CABLES1: variants seen among roughly 807,000 people sequenced by gnomAD.
CABLES1 encodes the protein Cdk5 and Abl enzyme substrate 1.
Under a neutral mutation model 57.8 loss-of-function variants are expected in CABLES1, and 36 were observed. The ratio of observed to expected loss-of-function variants is 0.62; its 90% CI spans 0.48 to 0.82. The LOEUF (loss-of-function observed/expected upper bound fraction) is 0.82, where lower values mean the gene tolerates loss of function less well. CABLES1 is among the 40% of genes least tolerant of loss of function. The pLI is 0.00. For synonymous variants in CABLES1, 374 were observed against 363.0 expected (o/e 1.03, Z -0.35); for missense variants, 767 against 836.6 (o/e 0.92, Z 1.03).
At chr18:23,188,111 C>CCCTG (rs1412041624) in intron 1 of CABLES1, among the ~76,000 whole-genome samples, 1 of 152,194 alleles carries the variant, frequency 6.6e-6, no homozygotes, top group East Asian at 1.9e-4. Context: ...CACCACCCTA[C>CCCTG]CCTGCTCCCT....
intron 7 of CABLES1, among the ~76,000 whole-genome samples, chr18:23,237,487 G>GT (rs1284104097): frequency 6.6e-6 from 1 of 152,256 alleles, no homozygotes; most frequent in East Asian, 1.9e-4. Context: ...ACCAGCTCAG[G>GT]TTGGGGGACC....
Position 23,161,312 on chromosome 18 carries a change from TTACTG to T in CABLES1, c.845+24706_845+24710del, listed in dbSNP as rs201905707. 5.0e-3 allele frequency among the ~76,000 whole-genome samples: 766 copies of T among 152,128 alleles called. 7 individuals carry two copies. The highest frequency in any genetic ancestry group is 0.018 in the African/African-American group (738 of 41,488). On this transcript the variant is annotated intron_variant, in intron 1 of 9. Transcript: ENST00000256925. ...CCTTTCTATCTTCTTCTAAAACACTTTACTGGTGTTTTGTGGGTGCTGTGTTCCAG... is the reference window on the plus strand; with the variant it reads ...CCTTTCTATCTTCTTCTAAAACACTTGTGTTTTGTGGGTGCTGTGTTCCAG...
At chr18:23,223,470 C>T (rs1191430988) in intron 4 of CABLES1, among the ~76,000 whole-genome samples, 1 of 150,834 alleles carries the variant, frequency 6.6e-6, no homozygotes, top group South Asian at 2.1e-4. Flanking sequence ...CACAGCTACT[C>T]GGGAGGCTGA....
At chr18:23,156,103 G>C in intron 1 of CABLES1, 1 of 859,212 alleles carries the variant, frequency 1.2e-6, no homozygotes, top group Non-Finnish European at 1.8e-6. Context: ...GGCCAGCAGC[G>C]GGGGCTGGAG....
At chr18:23,214,271 T>G in intron 4 of CABLES1, 1 of 474,448 alleles carries the variant, frequency 2.1e-6, no homozygotes. Context: ...TCCTATTGCC[T>G]GTTCTTTCTA....
chr18:23,251,256 G>A (rs1410435682), intron 7 of CABLES1, among the ~76,000 whole-genome samples: 1 of 152,094 alleles, frequency 6.6e-6, no homozygotes, highest in African/African-American at 2.4e-5. Flanking sequence ...AGTTCAAGAG[G>A]AGCCCAGCCA....
chr18:23,215,260 G>A (rs1367831079), intron 4 of CABLES1, among the ~76,000 whole-genome samples: 1 of 152,150 alleles, frequency 6.6e-6, no homozygotes, highest in Non-Finnish European at 1.5e-5. Flanking sequence ...ATGTTTTCGG[G>A]CAGCTCTCTT....
At chr18:23,208,231 T>C (rs2047378482) in intron 3 of CABLES1, among the ~76,000 whole-genome samples, 3 of 152,252 alleles carry the variant, frequency 2.0e-5, no homozygotes, top group African/African-American at 7.2e-5. Context: ...AAGAATGTTC[T>C]TGGAGCCCCT....
intron 4 of CABLES1, among the ~76,000 whole-genome samples, chr18:23,232,857 G>C (rs925534345): frequency 2.0e-5 from 3 of 152,184 alleles, no homozygotes; most frequent in African/African-American, 7.2e-5. Context: ...TGGCTCAACA[G>C]AATCAGAGCA....
In CABLES1 at chr18:23,142,673, C is replaced by T. The variant is rs183616316; in HGVS notation, c.845+6066C>T. On this transcript the variant is annotated intron_variant, in intron 1 of 9. Coordinates refer to ENST00000256925, the MANE Select transcript of CABLES1 (RefSeq NM_001100619.3). ...ACAATGAGTATCAATCATGAGTCAC[C>T]GCTGTCCTACTCATGGGAGATGGAG... Among the ~76,000 whole-genome samples, 368 of 152,258 alleles carry T rather than the reference C, an allele frequency of 2.4e-3. 2 individuals are homozygous for T. Among genetic ancestry groups the T allele is most frequent in the Non-Finnish European group, 9.6e-4 (65 of 68,024 alleles).
intron 7 of CABLES1, among the ~76,000 whole-genome samples, chr18:23,237,559 G>A (rs988080970): frequency 1.3e-5 from 2 of 152,234 alleles, no homozygotes; most frequent in Non-Finnish European, 2.9e-5. Flanking sequence ...AGAGGACCAG[G>A]CCCATCCCTG....
At chr18:23,213,864 C>CTAT in intron 3 of CABLES1, 113 bp from the exon 4 acceptor site, 2 of 648,156 alleles carry the variant, frequency 3.1e-6, no homozygotes, top group Admixed American at 5.8e-5. Flanking sequence ...GTGGTGGGAG[C>CTAT]GTGCAAATAC....
At chr18:23,180,122 C>T (rs1163193893) in intron 1 of CABLES1, among the ~76,000 whole-genome samples, 1 of 152,024 alleles carries the variant, frequency 6.6e-6, no homozygotes, top group Non-Finnish European at 1.5e-5. Context: ...TGGGTTTCGC[C>T]GTGTTAGCCA....
rs2047825576 is a variant in CABLES1, at chr18:23,244,515, C to T, written c.1446+7270C>T. Among the ~76,000 whole-genome samples the T allele has an allele frequency of 2.0e-5, 3 of 152,234 alleles. No homozygotes were observed. The South Asian group carries it at 6.2e-4, about 32-fold the overall frequency. On this transcript the variant is annotated intron_variant, in intron 7 of 9. Transcript: ENST00000256925. ...GTCCTCTAAGGGAAAGGATTAAATG[C>T]CTAGAACAGCTGAAATGCCCATCTG... is the stretch of plus-strand genomic sequence containing the variant.
chr18:23,182,365 A>G lies in CABLES1; in HGVS notation c.846-6473A>G, dbSNP rs2047173562. Among the ~76,000 whole-genome samples, 4 of 152,184 alleles carry G rather than the reference A, an allele frequency of 2.6e-5. No homozygotes were observed. The South Asian group carries it at 8.3e-4, about 32-fold the overall frequency. On this transcript the variant is annotated intron_variant, in intron 1 of 9. Transcript: ENST00000256925. ...TATTATCTGGAGGTTGGTTATGATC[A>G]TTTCCATCCCAAGTTTGCTGATGCA...
intron 1 of CABLES1, chr18:23,155,794 T>G: frequency 6.4e-7 from 1 of 1,558,566 alleles, no homozygotes; most frequent in Non-Finnish European, 8.6e-7. Context: ...GAGTCTTAGG[T>G]TTGGTCTCAA....
chr18:23,196,159 AAG>A (rs2047281069), intron 3 of CABLES1, among the ~76,000 whole-genome samples: 1 of 152,248 alleles, frequency 6.6e-6, no homozygotes, highest in African/African-American at 2.4e-5. Context: ...CTCTTGACCT[AAG>A]AGAACGTAAA....
intron 1 of CABLES1, among the ~76,000 whole-genome samples, chr18:23,167,400 A>G (rs2047050443): frequency 6.6e-6 from 1 of 152,138 alleles, no homozygotes; most frequent in Non-Finnish European, 1.5e-5. Context: ...GGTCTGTTTC[A>G]CCACATGCCT....
intron 1 of CABLES1, among the ~76,000 whole-genome samples, chr18:23,147,979 C>CTTT (rs10603023): frequency 1.0e-4 from 8 of 78,446 alleles, no homozygotes; most frequent in South Asian, 6.5e-4. Context: ...GCTTGGCCTC[C>CTTT]TTTTTTTTTT....
Sources: allele counts gnomAD v4.1 joint callset (sites outside exome capture counted in the v4.1 genomes callset), GRCh38; gene constraint gnomAD v4.1.1; transcripts MANE v1.5; gene names NCBI Gene and HGNC (gene_info 2026-07-23, HGNC 2026-07-21).